The following PASD1 variants were observed in gnomAD, a reference collection of about 807,000 sequenced individuals.
PASD1 encodes circadian clock protein PASD1.
In PASD1, 13 loss-of-function variants were observed where a neutral mutation model predicts 58.8. The observed-to-expected ratio is 0.22, with a 90% confidence interval of 0.14 to 0.35. The LOEUF (loss-of-function observed/expected upper bound fraction) is 0.35, where lower values mean the gene tolerates loss of function less well. PASD1 is among the 10% of genes least tolerant of loss of function. The pLI, the probability that PASD1 is intolerant of heterozygous loss-of-function variation, is 1.00. For synonymous variants in PASD1, 236 were observed against 216.7 expected (o/e 1.09, Z -0.78); for missense variants, 734 against 568.3 (o/e 1.29, Z -2.96).
At chrX:151,635,430 A>G (rs1029548269) in intron 8 of PASD1, among the ~76,000 whole-genome samples, 3 of 112,100 alleles carry the variant, frequency 2.7e-5, no homozygotes, top group African/African-American at 9.7e-5. Flanking sequence ...ACCTTTGTGT[A>G]TGAGTGTATA....
chrX:151,661,404 A>G (rs1008431091), intron 10 of PASD1, among the ~76,000 whole-genome samples: 1 of 112,160 alleles, frequency 8.9e-6, no homozygotes, highest in Non-Finnish European at 1.9e-5. Context: ...GGAGTGGTTC[A>G]TTCTGCCTAA....
chrX:151,673,896 C>T (rs761539928), intron 14 of PASD1, 32 bp from the exon 15 acceptor site: 1 of 1,207,162 alleles, frequency 8.3e-7, no homozygotes, highest in Non-Finnish European at 1.1e-6. Context: ...TGTCCAGATC[C>T]ACATCACTGC....
chrX:151,675,088 C>G (rs1378863441), intron 15 of PASD1, among the ~76,000 whole-genome samples: 1 of 111,607 alleles, frequency 9.0e-6, no homozygotes, highest in African/African-American at 3.3e-5. Flanking sequence ...ATCTTTCACG[C>G]CTATTTTTGA....
intron 1 of PASD1, among the ~76,000 whole-genome samples, chrX:151,599,826 A>G (rs1341582103): frequency 5.9e-5 from 6 of 101,415 alleles, no homozygotes; most frequent in Non-Finnish European, 4.0e-5. Flanking sequence ...GACGATGGGC[A>G]GCCAGGCAGA....
intron 3 of PASD1, among the ~76,000 whole-genome samples, chrX:151,610,921 C>T (rs774529706): frequency 3.2e-5 from 3 of 93,177 alleles, no homozygotes; most frequent in African/African-American, 8.0e-5. Flanking sequence ...TTCTGTTTTA[C>T]CTGTTGAAAG....
At chrX:151,578,645 C>T (rs2013044804) in intron 1 of PASD1, among the ~76,000 whole-genome samples, 2 of 112,467 alleles carry the variant, frequency 1.8e-5, no homozygotes, top group African/African-American at 6.5e-5. Flanking sequence ...CCTAACTCCC[C>T]AAATCCAGAA....
intron 1 of PASD1, among the ~76,000 whole-genome samples, chrX:151,565,723 A>G (rs1363892476): frequency 9.1e-6 from 1 of 109,777 alleles, no homozygotes; most frequent in East Asian, 2.9e-4. Flanking sequence ...ATGCCCGGCT[A>G]ATTTTTTTGT....
At chrX:151,611,594 A>C in intron 3 of PASD1, 70 bp from the exon 4 acceptor site, 1 of 749,006 alleles carries the variant, frequency 1.3e-6, no homozygotes. Context: ...TTATCTATGC[A>C]TTTAGCAATA....
At chrX:151,595,057 C>T (rs1280948041) in intron 1 of PASD1, among the ~76,000 whole-genome samples, 2 of 111,770 alleles carry the variant, frequency 1.8e-5, no homozygotes, top group Non-Finnish European at 3.8e-5. Context: ...TTTCTGTTTG[C>T]TTTAAGATTT....
chrX:151,594,875 C>T (rs1486929478), intron 1 of PASD1, among the ~76,000 whole-genome samples: 1 of 110,779 alleles, frequency 9.0e-6, no homozygotes, highest in African/African-American at 3.3e-5. Context: ...CTGAAAATAT[C>T]TTTAGTTTTC....
chrX:151,591,047 G>A (rs1300709933), intron 1 of PASD1, among the ~76,000 whole-genome samples: 1 of 111,844 alleles, frequency 8.9e-6, no homozygotes, highest in Non-Finnish European at 1.9e-5. Flanking sequence ...TAAGTCACTT[G>A]TCTCTAGAAA....
At chrX:151,616,751 A>G (rs1003723685) in intron 4 of PASD1, among the ~76,000 whole-genome samples, 2 of 111,821 alleles carry the variant, frequency 1.8e-5, no homozygotes, top group Non-Finnish European at 3.8e-5. Flanking sequence ...AAAACTTAGC[A>G]GGTTTTGAAC....
At position 151,606,668 on chromosome X, in the gene PASD1, C is replaced by G. The variant is rs144415089; in HGVS notation, c.117+1934C>G. Among the ~76,000 whole-genome samples, 793 of 110,967 alleles carry G rather than the reference C, an allele frequency of 7.1e-3. 12 individuals carry two copies. The highest frequency in any genetic ancestry group is 0.025 in the African/African-American group (767 of 30,537). Reference sequence around the variant, plus strand: ...TCCAAGACCTGTTGAGTAGCACAGCCGAGTAGCACACCATGTTTTCTCACT... The same window carrying G: ...TCCAAGACCTGTTGAGTAGCACAGCGGAGTAGCACACCATGTTTTCTCACT... On this transcript the variant is annotated intron_variant, in intron 3 of 15. Coordinates refer to ENST00000370357, the MANE Select transcript of PASD1 (RefSeq NM_173493.3).
At chrX:151,668,720 C>T (rs1418212460) in intron 11 of PASD1, among the ~76,000 whole-genome samples, 1 of 109,837 alleles carries the variant, frequency 9.1e-6, no homozygotes, top group Non-Finnish European at 1.9e-5. Flanking sequence ...TAATTAATAG[C>T]TTACCAACCA....
intron 11 of PASD1, among the ~76,000 whole-genome samples, chrX:151,668,455 C>T (rs779018485): frequency 3.0e-4 from 33 of 110,171 alleles, no homozygotes; most frequent in East Asian, 5.7e-4. Context: ...ATTGATAGAC[C>T]GCTAGCAAGA....
At chrX:151,576,179 A>AT (rs2013003487) in intron 1 of PASD1, among the ~76,000 whole-genome samples, 1 of 110,106 alleles carries the variant, frequency 9.1e-6, no homozygotes, top group Non-Finnish European at 1.9e-5. Flanking sequence ...TAATTTTTAA[A>AT]TTTTTTTGTA....
At chrX:151,569,470 A>G (rs1366683865) in intron 1 of PASD1, among the ~76,000 whole-genome samples, 2 of 112,261 alleles carry the variant, frequency 1.8e-5, no homozygotes, top group Non-Finnish European at 3.8e-5. Flanking sequence ...GTCTTTCTGC[A>G]CAAAATGATT....
chrX:151,638,066 G>T (rs113341306), intron 8 of PASD1, among the ~76,000 whole-genome samples: 3,767 of 111,264 alleles, frequency 0.034, 80 homozygotes, highest in Non-Finnish European at 0.052. Context: ...TAACAGTCTG[G>T]GTTCAAATTC....
intron 1 of PASD1, among the ~76,000 whole-genome samples, chrX:151,594,296 T>C (rs1282893792): frequency 8.9e-6 from 1 of 112,153 alleles, no homozygotes; most frequent in Non-Finnish European, 1.9e-5. Context: ...ATTATGAGTA[T>C]GTTTTGATTT....
Sources: gnomAD v4.1 joint callset for allele counts (sites outside exome capture counted in the v4.1 genomes callset) on GRCh38, gnomAD v4.1.1 for gene constraint, MANE v1.5 for transcripts, NCBI Gene and HGNC (gene_info 2026-07-23, HGNC 2026-07-21) for gene names.